Variants in FHOD3 observed in about 807,000 individuals in gnomAD.
The protein encoded by FHOD3 is FH1/FH2 domain-containing protein 3.
Under a neutral mutation model 173.0 loss-of-function variants are expected in FHOD3, and 90 were observed. That is an observed-to-expected ratio of 0.52 (90% CI 0.44 to 0.62). The LOEUF is 0.62. FHOD3 is among the 20% of genes least tolerant of loss of function. The pLI is 0.00. For synonymous variants in FHOD3, 828 were observed against 823.0 expected (o/e 1.01, Z -0.10); for missense variants, 1,945 against 2,034.7 (o/e 0.96, Z 0.85).
intron 5 of FHOD3, among the ~76,000 whole-genome samples, chr18:36,562,098 C>T (rs1381359134): frequency 6.6e-6 from 1 of 152,030 alleles, no homozygotes; most frequent in Non-Finnish European, 1.5e-5. Context: ...CTCACTGCAA[C>T]CTCCGCCTCC....
At chr18:36,657,323 G>A (rs2036492759) in intron 13 of FHOD3, among the ~76,000 whole-genome samples, 1 of 152,224 alleles carries the variant, frequency 6.6e-6, no homozygotes, top group African/African-American at 2.4e-5. Flanking sequence ...ATAATGATTT[G>A]TTTTCTGGGA....
At chr18:36,509,426 C>CAAAAAAAAAAAAAAAAAAAAAAAA (rs34772691) in intron 4 of FHOD3, among the ~76,000 whole-genome samples, 1 of 54,854 alleles carries the variant, frequency 1.8e-5, no homozygotes, top group Non-Finnish European at 3.7e-5. Flanking sequence ...GACTCCATCT[C>CAAAAAAAAAAAAAAAAAAAAAAAA]AAAAAAAAAA....
chr18:36,344,257 T>C (rs968122054), intron 1 of FHOD3, among the ~76,000 whole-genome samples: 9 of 152,280 alleles, frequency 5.9e-5, no homozygotes, highest in Non-Finnish European at 7.4e-5. Context: ...GCAGGAAAGA[T>C]TGAAGTGCAA....
chr18:36,662,997 G>A (rs1216812436), intron 14 of FHOD3, among the ~76,000 whole-genome samples: 2 of 152,108 alleles, frequency 1.3e-5, no homozygotes, highest in African/African-American at 2.4e-5. Flanking sequence ...ACTGTGATAA[G>A]AGTAGCAATC....
At chr18:36,421,231 C>T (rs894117623) in intron 3 of FHOD3, among the ~76,000 whole-genome samples, 9 of 152,192 alleles carry the variant, frequency 5.9e-5, no homozygotes. Flanking sequence ...TAGCTTGCCA[C>T]AATGATAGTC....
At chr18:36,714,857 T>C (rs1600378381) in intron 18 of FHOD3, among the ~76,000 whole-genome samples, 2 of 152,320 alleles carry the variant, frequency 1.3e-5, no homozygotes, top group South Asian at 4.1e-4. Context: ...TAAGGTCCCC[T>C]GGTCAGGTTA....
At chr18:36,720,186 T>C (rs1039257694) in intron 19 of FHOD3, among the ~76,000 whole-genome samples, 4 of 151,356 alleles carry the variant, frequency 2.6e-5, no homozygotes, top group Non-Finnish European at 5.9e-5. Context: ...CCTGACTTTC[T>C]AGGACTGGTA....
intron 5 of FHOD3, among the ~76,000 whole-genome samples, chr18:36,516,497 G>C (rs1429885333): frequency 6.6e-6 from 1 of 152,188 alleles, no homozygotes; most frequent in Non-Finnish European, 1.5e-5. Context: ...GTAGCCCAAG[G>C]TGTGAGAGCC....
intron 2 of FHOD3, among the ~76,000 whole-genome samples, chr18:36,365,987 G>A (rs2046880617): frequency 6.6e-6 from 1 of 152,138 alleles, no homozygotes; most frequent in Non-Finnish European, 1.5e-5. Context: ...TGTAGCACAT[G>A]TTGCCCAGGG....
intron 1 of FHOD3, among the ~76,000 whole-genome samples, chr18:36,300,250 G>A (rs1339889625): frequency 6.6e-6 from 1 of 152,178 alleles, no homozygotes; most frequent in South Asian, 2.1e-4. Context: ...TCAGGGCGTC[G>A]GTGCTGTTCT....
chr18:36,375,200 C>T (rs758314949), intron 3 of FHOD3, among the ~76,000 whole-genome samples: 12 of 152,148 alleles, frequency 7.9e-5, no homozygotes, highest in Non-Finnish European at 1.8e-4. Context: ...AAACAATACC[C>T]GGAACAATTT....
intron 19 of FHOD3, among the ~76,000 whole-genome samples, chr18:36,724,666 C>T (rs1661007941): frequency 6.6e-6 from 1 of 152,204 alleles, no homozygotes; most frequent in African/African-American, 2.4e-5. Flanking sequence ...GTAACCTCTG[C>T]CTCTCCCTCA....
intron 3 of FHOD3, among the ~76,000 whole-genome samples, chr18:36,442,239 C>T (rs923833052): frequency 6.6e-6 from 1 of 152,100 alleles, no homozygotes; most frequent in African/African-American, 2.4e-5. Flanking sequence ...AAGTATGTGG[C>T]ATTCTTTGAG....
intron 13 of FHOD3, among the ~76,000 whole-genome samples, chr18:36,655,056 T>C (rs940007751): frequency 2.3e-4 from 8 of 35,020 alleles, no homozygotes; most frequent in African/African-American, 9.3e-4. Flanking sequence ...TTTCCTTCTT[T>C]TTTTTTTTTT....
chr18:36,346,129 G>A (rs2045868964), intron 1 of FHOD3, among the ~76,000 whole-genome samples: 1 of 152,222 alleles, frequency 6.6e-6, no homozygotes, highest in Non-Finnish European at 1.5e-5. Context: ...ACTTTGGGAG[G>A]GTGAGGAAGA....
chr18:36,409,480 T>A (rs2049240523), intron 3 of FHOD3, among the ~76,000 whole-genome samples: 1 of 152,158 alleles, frequency 6.6e-6, no homozygotes, highest in African/African-American at 2.4e-5. Flanking sequence ...CTCCCTGGTC[T>A]GGGAGCCCAG....
Position 36,500,999 on chromosome 18 carries a change from G to A in FHOD3, c.338-933G>A, listed in dbSNP as rs114508117. Among the ~76,000 whole-genome samples, 1,468 of 152,198 alleles carry A rather than the reference G, an allele frequency of 9.6e-3. 22 individuals carry two copies. The highest frequency in any genetic ancestry group is 0.033 in the African/African-American group (1,356 of 41,510). On this transcript the variant is annotated intron_variant, in intron 3 of 28. Transcript: ENST00000590592. Reference sequence around the variant, plus strand: ...CCCTCCGGTGTGTCTTCAGCACCTCGCAGCACCATCACTCTGGCCAGCTAG... The same window carrying A: ...CCCTCCGGTGTGTCTTCAGCACCTCACAGCACCATCACTCTGGCCAGCTAG...
intron 3 of FHOD3, among the ~76,000 whole-genome samples, chr18:36,390,848 T>C (rs2048269772): frequency 6.6e-6 from 1 of 152,036 alleles, no homozygotes; most frequent in African/African-American, 2.4e-5. Flanking sequence ...CTCTTGGGGG[T>C]GGGGAGAAAT....
At chr18:36,770,849 C>T (rs1441707610) in intron 28 of FHOD3, among the ~76,000 whole-genome samples, 1 of 152,156 alleles carries the variant, frequency 6.6e-6, no homozygotes, top group Non-Finnish European at 1.5e-5. Flanking sequence ...TGGGTCCCTG[C>T]CCCTTGGATT....
Sources: allele counts gnomAD v4.1 joint callset (sites outside exome capture counted in the v4.1 genomes callset), GRCh38; gene constraint gnomAD v4.1.1; transcripts MANE v1.5; gene names NCBI Gene and HGNC (gene_info 2026-07-23, HGNC 2026-07-21).